CTNNA1: variants seen among roughly 807,000 people sequenced by gnomAD.
The protein encoded by CTNNA1 is catenin alpha-1.
In CTNNA1, 37 loss-of-function variants were observed where a neutral mutation model predicts 98.4. The observed-to-expected ratio is 0.38, with a 90% CI of 0.29 to 0.49. The LOEUF (loss-of-function observed/expected upper bound fraction) is 0.49. Ranked by LOEUF, CTNNA1 falls within the 20% of genes least tolerant of loss-of-function variation. CTNNA1 has a pLI of 0.95. For synonymous variants in CTNNA1, 404 were observed against 413.2 expected (o/e 0.98, Z 0.27); for missense variants, 761 against 1,147.2 (o/e 0.66, Z 4.86).
intron 9 of CTNNA1, among the ~76,000 whole-genome samples, chr5:138,898,959 A>G (rs150601485): frequency 9.1e-4 from 139 of 152,338 alleles, no homozygotes; most frequent in Middle Eastern, 3.4e-3. Context: ...GTTTAAGTCA[A>G]TATCACTTTA....
Position 138,925,407 on chromosome 5 carries a change from G to A in CTNNA1, c.1899G>A (p.Arg633=), listed in dbSNP as rs1253558458. 6.2e-7 allele frequency: 1 copy of A among 1,613,476 alleles called. No homozygotes were observed. Among genetic ancestry groups the A allele is most frequent in the African/African-American group, 1.3e-5 (1 of 75,042 alleles). ...TCAGGAAAGCAGTGCTGATGATAAGGGTGAGTAACTGCATTTCAGACGTCT... is the reference window on the plus strand; with the variant it reads ...TCAGGAAAGCAGTGCTGATGATAAGAGTGAGTAACTGCATTTCAGACGTCT... ...RDIRKAVLMI[R]TPEELDDSDF... The change falls in exon 13 of 18, where the codon AGG becomes AGA. Residue 633 remains arginine, a splice_region_variant and synonymous_variant. Transcript: ENST00000302763.
intron 14 of CTNNA1, 57 bp from the exon 15 acceptor site, chr5:138,930,416 C>A: frequency 1.6e-6 from 2 of 1,283,496 alleles, no homozygotes; most frequent in Non-Finnish European, 2.2e-6. Flanking sequence ...TTGGCTAATG[C>A]ACTCTGAGAA....
At chr5:138,758,209 TA>T (rs1485265023) in intron 1 of CTNNA1, among the ~76,000 whole-genome samples, 1 of 151,724 alleles carries the variant, frequency 6.6e-6, no homozygotes, top group Admixed American at 6.6e-5. Context: ...TATTTATTTT[TA>T]TTTTTTTTTG....
At chr5:138,886,132 CATG>C in intron 7 of CTNNA1, 77 bp from the exon 8 acceptor site, 1 of 1,485,562 alleles carries the variant, frequency 6.7e-7, no homozygotes, top group Non-Finnish European at 9.1e-7. Flanking sequence ...TCAGTGTTGA[CATG>C]AGCACAAATG....
intron 7 of CTNNA1, chr5:138,869,050 C>G (rs961993749): frequency 6.7e-6 from 1 of 150,268 alleles, no homozygotes. Flanking sequence ...CATCTGCCCA[C>G]CTCCCACCCA....
chr5:138,908,752 G>A lies in CTNNA1; in HGVS notation c.1389+4311G>A, dbSNP rs144547397. Among the ~76,000 whole-genome samples the A allele has an allele frequency of 7.0e-3, 1,067 of 152,028 alleles. 2 individuals are homozygous for A. The highest frequency in any genetic ancestry group is 0.013 in the Non-Finnish European group (867 of 67,970). On this transcript the variant is annotated intron_variant, in intron 10 of 17. Transcript: ENST00000302763. Reference sequence around the variant, plus strand: ...TGGGAGAAGGAACCCACATTTTTTGGCGATTTGTTATCATTAAGAAAAGAG... The same window carrying A: ...TGGGAGAAGGAACCCACATTTTTTGACGATTTGTTATCATTAAGAAAAGAG...
chr5:138,786,496 A>T (rs1280003720), intron 3 of CTNNA1, among the ~76,000 whole-genome samples: 1 of 152,192 alleles, frequency 6.6e-6, no homozygotes, highest in Non-Finnish European at 1.5e-5. Flanking sequence ...CTTAAAAAAA[A>T]ATAGAGCCTA....
intron 7 of CTNNA1, among the ~76,000 whole-genome samples, chr5:138,839,200 C>T (rs1233586505): frequency 2.0e-5 from 3 of 152,044 alleles, no homozygotes; most frequent in Admixed American, 2.0e-4. Flanking sequence ...TTGCACTTGA[C>T]AAATAATATG....
intron 1 of CTNNA1, among the ~76,000 whole-genome samples, chr5:138,761,397 T>C (rs916494866): frequency 8.5e-5 from 13 of 152,196 alleles, no homozygotes; most frequent in African/African-American, 3.1e-4. Context: ...CACCACGACC[T>C]GTTTAATTTT....
intron 5 of CTNNA1, among the ~76,000 whole-genome samples, chr5:138,813,448 C>T (rs1448227373): frequency 2.0e-5 from 3 of 152,194 alleles, no homozygotes; most frequent in Non-Finnish European, 2.9e-5. Context: ...CCAGATCCAC[C>T]TTCTGCTCTG....
In CTNNA1 at chr5:138,781,982, A is replaced by T. The variant is rs1561520304; in HGVS notation, c.58A>T (p.Ile20Phe). Residue 20 changes from isoleucine to phenylalanine, a missense_variant, in exon 2 of 18, where the codon ATC becomes TTC. Coordinates refer to ENST00000302763, the MANE Select transcript of CTNNA1 (RefSeq NM_001903.5). ...CAAGTGGGATCCTAAAAGTCTAGAG[A>T]TCAGGACTCTGGCAGTTGAGAGACT... ...NFKWDPKSLE[I>F]RTLAVERLLE... 2.5e-6 allele frequency: 4 copies of T among 1,606,874 alleles called. No individual in the cohort carries two copies. Among genetic ancestry groups the T allele is most frequent in the Non-Finnish European group, 2.5e-6 (3 of 1,178,544 alleles).
chr5:138,837,070 T>C (rs1199291144), intron 7 of CTNNA1, among the ~76,000 whole-genome samples: 1 of 152,192 alleles, frequency 6.6e-6, no homozygotes, highest in Non-Finnish European at 1.5e-5. Flanking sequence ...CATTAATATG[T>C]TGATTCGTCC....
At chr5:138,899,054 G>A (rs963334375) in intron 9 of CTNNA1, among the ~76,000 whole-genome samples, 2 of 152,052 alleles carry the variant, frequency 1.3e-5, no homozygotes, top group African/African-American at 4.8e-5. Context: ...ATTTTTGAGT[G>A]TCTTTTTCCT....
intron 3 of CTNNA1, among the ~76,000 whole-genome samples, chr5:138,788,965 C>A (rs1429933223): frequency 6.6e-6 from 1 of 152,168 alleles, no homozygotes; most frequent in Non-Finnish European, 1.5e-5. Context: ...GGGGAGAAGA[C>A]CCAAAGAAAC....
At chr5:138,854,465 C>G (rs897366247) in intron 7 of CTNNA1, among the ~76,000 whole-genome samples, 4 of 152,216 alleles carry the variant, frequency 2.6e-5, no homozygotes, top group Non-Finnish European at 2.9e-5. Flanking sequence ...TGTACACACA[C>G]TCTCTTACAT....
chr5:138,879,210 T>C (rs888005561), intron 7 of CTNNA1, among the ~76,000 whole-genome samples: 1 of 131,068 alleles, frequency 7.6e-6, no homozygotes, highest in African/African-American at 2.9e-5. Context: ...ATTTTTAGGG[T>C]GGAGGTCCTA....
At chr5:138,909,321 GC>G (rs1458174382) in intron 10 of CTNNA1, among the ~76,000 whole-genome samples, 3 of 151,412 alleles carry the variant, frequency 2.0e-5, no homozygotes, top group African/African-American at 7.3e-5. Flanking sequence ...AGTATATGAA[GC>G]CTCTACTTAT....
chr5:138,910,411 G>A (rs1458246676), intron 10 of CTNNA1, among the ~76,000 whole-genome samples: 1 of 151,160 alleles, frequency 6.6e-6, no homozygotes, highest in Non-Finnish European at 1.5e-5. Flanking sequence ...GGGATATTTA[G>A]GGTTTTTTTA....
At chr5:138,886,402 A>G in intron 8 of CTNNA1, 110 bp downstream of exon 8, 1 of 1,178,478 alleles carries the variant, frequency 8.5e-7, no homozygotes. Context: ...GAAAGGATGG[A>G]TTTTCACAAG....
Sources: allele counts gnomAD v4.1 joint callset (sites outside exome capture counted in the v4.1 genomes callset), GRCh38; gene constraint gnomAD v4.1.1; transcripts MANE v1.5; gene names NCBI Gene and HGNC (gene_info 2026-07-23, HGNC 2026-07-21).